Variants in PMFBP1 observed in about 807,000 individuals in gnomAD.
PMFBP1 encodes the protein polyamine modulated factor 1 binding protein 1, also known as polyamine-modulated factor 1-binding protein 1.
Under a neutral mutation model 137.8 loss-of-function variants are expected in PMFBP1, and 131 were observed. The observed-to-expected ratio is 0.95, with a 90% confidence interval of 0.82 to 1.10. PMFBP1 has a LOEUF of 1.10. Ranked by LOEUF, PMFBP1 falls within the 50% of genes least tolerant of loss-of-function variation. The pLI, the probability that PMFBP1 is intolerant of heterozygous loss-of-function variation, is 0.00. For synonymous variants in PMFBP1, 490 were observed against 450.4 expected, an observed-to-expected ratio of 1.09 and a Z score of -1.11; for missense variants, 1,199 against 1,175.4, an observed-to-expected ratio of 1.02 and a Z score of -0.29.
rs35414674 is a variant in PMFBP1, at chr16:72,157,183, C to CAAA, written c.166-2727_166-2725dup. Reference sequence around the variant, plus strand: ...TGGGCAACAGAGCGAGACTCCATCTCAAAAAAAAAAAAAAAAAAAAAAAAA... The same window carrying CAAA: ...TGGGCAACAGAGCGAGACTCCATCTCAAAAAAAAAAAAAAAAAAAAAAAAAAAA... On this transcript the variant is annotated intron_variant, in intron 3 of 20. Coordinates refer to ENST00000237353, the MANE Select transcript of PMFBP1 (RefSeq NM_031293.3). Among the ~76,000 whole-genome samples, 4 of 18,916 alleles carry CAAA rather than the reference C, an allele frequency of 2.1e-4. 1 individual carries two copies. The highest frequency in any genetic ancestry group is 2.8e-4 in the Non-Finnish European group (3 of 10,642). 12.4% of individuals were successfully genotyped at this position (18,916 alleles called of 152,430 possible). A position where few individuals can be genotyped will look rare whatever the true frequency, so the allele number is the denominator to read the frequency against.
At chr16:72,218,942 G>A in the PMFBP1 span, among the ~76,000 whole-genome samples, 1 of 152,058 alleles carries the variant, frequency 6.6e-6, no homozygotes, top group Admixed American at 6.6e-5. Context: ...AACATGAGGG[G>A]ACAAATGGTA....
chr16:72,203,841 A>C, the PMFBP1 span, among the ~76,000 whole-genome samples: 15 of 152,182 alleles, frequency 9.9e-5, no homozygotes, highest in Non-Finnish European at 2.1e-4. Flanking sequence ...ACTGACCCTT[A>C]ATCAAAACAG....
intron 8 of PMFBP1, 35 bp from the exon 9 acceptor site, chr16:72,136,640 G>A: frequency 1.2e-6 from 2 of 1,614,056 alleles, no homozygotes; most frequent in Non-Finnish European, 1.7e-6. Flanking sequence ...ATGCTCAGGG[G>A]AGAGTTAGGC....
the PMFBP1 span, among the ~76,000 whole-genome samples, chr16:72,193,270 G>A: frequency 3.3e-5 from 5 of 152,056 alleles, no homozygotes; most frequent in African/African-American, 9.7e-5. Flanking sequence ...CACACCTGTA[G>A]TCCTACCTGC....
the PMFBP1 span, among the ~76,000 whole-genome samples, chr16:72,192,811 G>A: frequency 4.6e-5 from 7 of 151,608 alleles, no homozygotes; most frequent in South Asian, 1.0e-3. Flanking sequence ...CTGAGGCAGC[G>A]GAATCGCTTG....
the PMFBP1 span, among the ~76,000 whole-genome samples, chr16:72,214,698 G>T: frequency 6.6e-6 from 1 of 152,128 alleles, no homozygotes. Context: ...CCCCACAAAA[G>T]ATAACTTCTA....
the PMFBP1 span, among the ~76,000 whole-genome samples, chr16:72,189,913 C>T: frequency 6.6e-6 from 1 of 152,044 alleles, no homozygotes; most frequent in Non-Finnish European, 1.5e-5. Flanking sequence ...GGAAAATAGT[C>T]CTTGTATGCT....
At chr16:72,249,707 G>C in the PMFBP1 span, among the ~76,000 whole-genome samples, 43 of 151,220 alleles carry the variant, frequency 2.8e-4, no homozygotes, top group African/African-American at 9.7e-4. Context: ...ACGAGGTCAG[G>C]AGATTGAGAC....
At chr16:72,199,705 GA>G in the PMFBP1 span, among the ~76,000 whole-genome samples, 8 of 138,288 alleles carry the variant, frequency 5.8e-5, no homozygotes, top group Admixed American at 2.1e-4. Flanking sequence ...GGGCTTTTCA[GA>G]AAAAAAAAAG....
chr16:72,136,480 C>T lies in PMFBP1; in HGVS notation c.1171G>A (p.Glu391Lys), dbSNP rs867604015. 5.6e-6 allele frequency: 9 copies of T among 1,613,784 alleles called. No individual in the cohort carries two copies. The highest frequency in any genetic ancestry group is 1.3e-5 in the African/African-American group (1 of 74,868). The change falls in exon 9 of 21, where the codon GAG (glutamate) becomes AAG (lysine). Residue 391 changes from glutamate (E) to lysine (K), a missense_variant. Coordinates refer to ENST00000237353, the MANE Select transcript of PMFBP1 (RefSeq NM_031293.3). Reference protein sequence around the residue: ...RLQELQLEFTETQKLTLKKDK... With the variant: ...RLQELQLEFTKTQKLTLKKDK... The stretch of plus-strand genomic sequence containing the variant: ...TTCTTCAAAGTGAGCTTTTGGGTCT[C>T]GGTGAACTCCAGCTGCAGCTCCTGC...
intron 1 of PMFBP1, 32 bp downstream of exon 1, chr16:72,172,022 T>C (rs1203854155): frequency 6.6e-6 from 1 of 152,120 alleles, no homozygotes; most frequent in Non-Finnish European, 1.5e-5. Flanking sequence ...TTTTTAACCC[T>C]AAGAATAGAG....
At chr16:72,134,302 C>T (rs1597466165) in intron 9 of PMFBP1, among the ~76,000 whole-genome samples, 1 of 152,184 alleles carries the variant, frequency 6.6e-6, no homozygotes, top group South Asian at 2.1e-4. Context: ...CCACTGCTAA[C>T]ATCCTGAGTA....
At chr16:72,158,506 G>A (rs1056759797) in intron 3 of PMFBP1, among the ~76,000 whole-genome samples, 2 of 152,054 alleles carry the variant, frequency 1.3e-5, no homozygotes, top group African/African-American at 4.8e-5. Flanking sequence ...GTGTGTACAT[G>A]CACATACACA....
chr16:72,221,338 A>C, the PMFBP1 span, among the ~76,000 whole-genome samples: 1 of 152,174 alleles, frequency 6.6e-6, no homozygotes, highest in Admixed American at 6.5e-5. Context: ...AAATTAAGAA[A>C]AATGTGTTGC....
In PMFBP1 at chr16:72,164,828, T is replaced by A; in HGVS notation, c.101A>T (p.Lys34Met). 6.2e-7 allele frequency: 1 copy of A among 1,610,486 alleles called. No homozygotes were observed. The highest frequency in any genetic ancestry group is 2.2e-5 in the East Asian group (1 of 44,754). Reference protein sequence around the residue: ...LDIKNLHDVCKRQRKTLQDNQ... With the variant: ...LDIKNLHDVCMRQRKTLQDNQ... ...GTCCTGCAAGGTCTTCCTCTGTCTC[T>A]TGCAGACATCGTGCAGATTCTTGAT... The change falls in exon 3 of 21, where the codon AAG (lysine) becomes ATG (methionine). Residue 34 changes from lysine (K) to methionine (M), a missense_variant. Physicochemically the swap from Lys to Met is moderately conservative, Grantham distance 95. Coordinates refer to ENST00000237353, the MANE Select transcript of PMFBP1 (RefSeq NM_031293.3).
chr16:72,133,209 G>A (rs1000631794), intron 9 of PMFBP1, among the ~76,000 whole-genome samples: 1 of 152,066 alleles, frequency 6.6e-6, no homozygotes, highest in Non-Finnish European at 1.5e-5. Context: ...TTTTGAGACA[G>A]AGTCTCTCTC....
rs188331871 is a variant in PMFBP1, at chr16:72,127,626, A to G, written c.2088+1031T>C. 7.6e-3 allele frequency among the ~76,000 whole-genome samples: 1,157 copies of G among 152,358 alleles called. 24 individuals are homozygous for G. Among genetic ancestry groups the G allele is most frequent in the Non-Finnish European group, 8.1e-3 (548 of 68,024 alleles). On this transcript the variant is annotated intron_variant, in intron 14 of 20. Coordinates refer to ENST00000237353, the MANE Select transcript of PMFBP1 (RefSeq NM_031293.3). ...TTGGAGAAAGATTCTAAAAATCTACATATAGAAGTATGTAAATTATAGAAC... is the reference window on the plus strand; with the variant it reads ...TTGGAGAAAGATTCTAAAAATCTACGTATAGAAGTATGTAAATTATAGAAC...
chr16:72,121,947 G>A (rs543851252), intron 19 of PMFBP1, among the ~76,000 whole-genome samples: 14 of 151,900 alleles, frequency 9.2e-5, no homozygotes, highest in South Asian at 4.2e-4. Context: ...ATGTTACATC[G>A]GTAAACTCAT....
intron 10 of PMFBP1, among the ~76,000 whole-genome samples, chr16:72,132,455 G>A (rs897464483): frequency 6.6e-6 from 1 of 152,224 alleles, no homozygotes; most frequent in Non-Finnish European, 1.5e-5. Context: ...GTGGTGCAAA[G>A]GACAGAGCCC....
Sources: allele counts gnomAD v4.1 joint callset (sites outside exome capture counted in the v4.1 genomes callset), GRCh38; gene constraint gnomAD v4.1.1; transcripts MANE v1.5; gene names NCBI Gene and HGNC (gene_info 2026-07-23, HGNC 2026-07-21).